KCNN2: variants seen among roughly 807,000 people sequenced by gnomAD.
KCNN2 encodes small conductance calcium-activated potassium channel protein 2.
KCNN2 carries 24 observed loss-of-function variants against 55.5 expected under a neutral mutation model. That is an observed-to-expected ratio of 0.43 (90% CI 0.31 to 0.61). KCNN2 has a LOEUF of 0.61. Ranked by LOEUF, KCNN2 falls within the 20% of genes least tolerant of loss-of-function variation. The probability of loss-of-function intolerance (pLI) is 0.08; values close to 1 mark genes in which losing one functional copy is unlikely to be tolerated. For missense variants in KCNN2, 754 were observed against 853.6 expected (o/e 0.88, Z 1.45); for synonymous variants, 431 against 336.1 (o/e 1.28, Z -3.09).
At chr5:114,109,925 T>C (rs568202464) in intron 1 of KCNN2, among the ~76,000 whole-genome samples, 2 of 152,156 alleles carry the variant, frequency 1.3e-5, no homozygotes, top group South Asian at 4.1e-4. Context: ...ATGTTGCCAA[T>C]GTGATGGTAG....
chr5:114,093,095 C>A (rs986509807), intron 1 of KCNN2, among the ~76,000 whole-genome samples: 1 of 152,118 alleles, frequency 6.6e-6, no homozygotes, highest in African/African-American at 2.4e-5. Flanking sequence ...TTATGCTCTC[C>A]TTTCCTTTTA....
chr5:114,340,759 T>A (rs539708686), intron 2 of KCNN2, among the ~76,000 whole-genome samples: 66 of 152,224 alleles, frequency 4.3e-4, no homozygotes, highest in African/African-American at 1.4e-3. Context: ...AATCACTATA[T>A]CAGTAGTCAC....
intron 2 of KCNN2, among the ~76,000 whole-genome samples, chr5:114,278,941 T>A (rs1006239131): frequency 1.3e-5 from 2 of 152,136 alleles, no homozygotes; most frequent in Non-Finnish European, 2.9e-5. Context: ...AAATCACCGA[T>A]CTTCTGCATC....
chr5:114,232,442 A>C (rs755005085), intron 2 of KCNN2, among the ~76,000 whole-genome samples: 18 of 151,182 alleles, frequency 1.2e-4, no homozygotes, highest in Non-Finnish European at 2.2e-4. Flanking sequence ...CATCAGTAAT[A>C]TTTTAAGGTT....
chr5:114,141,265 T>C (rs892715103), intron 1 of KCNN2, among the ~76,000 whole-genome samples: 1 of 152,164 alleles, frequency 6.6e-6, no homozygotes, highest in African/African-American at 2.4e-5. Flanking sequence ...TATCTCCTAA[T>C]GCTATCCCTC....
At chr5:114,094,614 G>C (rs1006728386) in intron 1 of KCNN2, among the ~76,000 whole-genome samples, 1 of 152,168 alleles carries the variant, frequency 6.6e-6, no homozygotes, top group Non-Finnish European at 1.5e-5. Context: ...ATTTTTCAAA[G>C]GTTAAATACA....
At chr5:114,281,208 T>C (rs1033794574) in intron 2 of KCNN2, among the ~76,000 whole-genome samples, 2 of 152,216 alleles carry the variant, frequency 1.3e-5, no homozygotes, top group African/African-American at 4.8e-5. Flanking sequence ...TGTGTGTTTC[T>C]GCCATTAAAA....
intron 2 of KCNN2, among the ~76,000 whole-genome samples, chr5:114,367,192 T>C (rs1227857142): frequency 6.6e-6 from 1 of 152,212 alleles, no homozygotes; most frequent in Non-Finnish European, 1.5e-5. Flanking sequence ...AGTGCTTGTA[T>C]TAAAACAGTA....
At chr5:114,205,012 G>A (rs1753741356) in intron 1 of KCNN2, among the ~76,000 whole-genome samples, 1 of 152,094 alleles carries the variant, frequency 6.6e-6, no homozygotes, top group African/African-American at 2.4e-5. Flanking sequence ...TCAGCCAGCT[G>A]AATGAAAAGC....
intron 2 of KCNN2, among the ~76,000 whole-genome samples, chr5:114,328,273 A>C (rs1321499013): frequency 6.6e-6 from 1 of 152,118 alleles, no homozygotes; most frequent in Non-Finnish European, 1.5e-5. Flanking sequence ...ACCCTAGGTC[A>C]TGCTAGGTGG....
At chr5:114,347,611 G>A (rs2150038946) in intron 2 of KCNN2, among the ~76,000 whole-genome samples, 1 of 152,172 alleles carries the variant, frequency 6.6e-6, no homozygotes. Context: ...TTATCTTTGG[G>A]AACAAAGTGT....
chr5:114,323,525 A>G (rs1055633813), intron 2 of KCNN2, among the ~76,000 whole-genome samples: 32 of 152,064 alleles, frequency 2.1e-4, no homozygotes, highest in Admixed American at 2.0e-3. Context: ...TACAGTATAA[A>G]TTGCATTAAT....
chr5:114,132,032 T>C (rs1451919659), intron 1 of KCNN2, among the ~76,000 whole-genome samples: 2 of 152,174 alleles, frequency 1.3e-5, no homozygotes, highest in African/African-American at 4.8e-5. Flanking sequence ...ATATTAGACG[T>C]TTTGTCAGAC....
At chr5:114,222,110 TA>T (rs1304794511) in intron 2 of KCNN2, among the ~76,000 whole-genome samples, 1 of 152,230 alleles carries the variant, frequency 6.6e-6, no homozygotes, top group Non-Finnish European at 1.5e-5. Context: ...GATAAACATT[TA>T]ATGCTTCAGT....
At chr5:114,473,023 C>A in intron 4 of KCNN2, 31 bp from the exon 5 acceptor site, 1 of 1,360,790 alleles carries the variant, frequency 7.3e-7, no homozygotes, top group Non-Finnish European at 1.0e-6. Context: ...GTTAGTAATG[C>A]TTTGGGTTTC....
At position 114,105,375 on chromosome 5, in the gene KCNN2, C is replaced by T. The variant is rs2721301; in HGVS notation, c.-271+48875C>T. Among the ~76,000 whole-genome samples the T allele has an allele frequency of 4.0e-3, 569 of 142,024 alleles. 4 individuals are homozygous for T. The highest frequency in any genetic ancestry group is 0.014 in the African/African-American group (508 of 35,766). 93.2% of individuals were successfully genotyped at this position (142,024 alleles called of 152,430 possible). ...AAAAACATTTTTAAAAAGCCAAGAG[C>T]AAAAGCTACAGCTTCTTTGATAGCA... On this transcript the variant is annotated intron_variant, in intron 1 of 10. Transcript: ENST00000512097.
chr5:114,259,631 A>T (rs1580668920), intron 2 of KCNN2, among the ~76,000 whole-genome samples: 1 of 152,184 alleles, frequency 6.6e-6, no homozygotes, highest in African/African-American at 2.4e-5. Context: ...ATAATAAAAA[A>T]AAAAGTCCTC....
At chr5:114,476,397 T>C (rs1761968448) in intron 5 of KCNN2, among the ~76,000 whole-genome samples, 1 of 151,960 alleles carries the variant, frequency 6.6e-6, no homozygotes, top group Non-Finnish European at 1.5e-5. Flanking sequence ...CTCTTATAGG[T>C]CTGAGAAATA....
At chr5:114,390,907 G>A (rs541779867) in intron 2 of KCNN2, among the ~76,000 whole-genome samples, 195 of 152,114 alleles carry the variant, frequency 1.3e-3, no homozygotes, top group African/African-American at 4.5e-3. Flanking sequence ...CAGAAGGTGC[G>A]GGCCTGGTGG....
Sources: allele counts gnomAD v4.1 joint callset (sites outside exome capture counted in the v4.1 genomes callset), GRCh38; gene constraint gnomAD v4.1.1; transcripts MANE v1.5; gene names NCBI Gene and HGNC (gene_info 2026-07-23, HGNC 2026-07-21).